SFMBT2: variants seen among roughly 807,000 people sequenced by gnomAD.
SFMBT2 encodes the protein Scm like with four mbt domains 2, also known as scm-like with four MBT domains protein 2.
A neutral mutation model predicts 110.1 loss-of-function variants in SFMBT2; 38 were observed. That is an observed-to-expected ratio of 0.35 (90% CI 0.27 to 0.45). The LOEUF is 0.45. Among genes scored for constraint, SFMBT2 ranks in the 20% least tolerant of loss-of-function variants. SFMBT2 has a pLI of 1.00. For missense variants in SFMBT2, 1,011 were observed against 1,094.9 expected (o/e 0.92, Z 1.08); for synonymous variants, 425 against 425.4 (o/e 1.00, Z 0.01).
In SFMBT2 at chr10:7,381,872, A is replaced by G. The variant is rs113626930; in HGVS notation, c.27T>C (p.Asn9=). The change falls in exon 2 of 21, where the codon AAT becomes AAC. Residue 9 remains asparagine (N), a synonymous_variant. Coordinates refer to ENST00000397167, the MANE Select transcript of SFMBT2 (RefSeq NM_001387889.1). MESTLSAS[N]MQDPSSSPLE... ...AGGGTGAAGATGAAGGGTCTTGCATATTGGAAGCTGACAAAGTGCTCTCCA... is the reference window on the plus strand; with the variant it reads ...AGGGTGAAGATGAAGGGTCTTGCATGTTGGAAGCTGACAAAGTGCTCTCCA... The G allele has an allele frequency of 2.5e-5, 41 of 1,610,452 alleles. No individual in the cohort carries two copies. The African/African-American group carries it at 3.5e-4, about 14-fold the overall frequency.
At chr10:7,398,993 C>T (rs550519888) in intron 1 of SFMBT2, among the ~76,000 whole-genome samples, 2 of 152,248 alleles carry the variant, frequency 1.3e-5, no homozygotes, top group South Asian at 2.1e-4. Flanking sequence ...TCACTTCAAG[C>T]CAAACAAACG....
chr10:7,216,833 C>G (rs2131639738), intron 11 of SFMBT2, among the ~76,000 whole-genome samples: 1 of 152,298 alleles, frequency 6.6e-6, no homozygotes, highest in South Asian at 2.1e-4. Flanking sequence ...TCTTCCTCCT[C>G]TGTGTCCCTA....
chr10:7,343,321 T>C (rs980088587), intron 4 of SFMBT2, among the ~76,000 whole-genome samples: 1 of 152,198 alleles, frequency 6.6e-6, no homozygotes, highest in Non-Finnish European at 1.5e-5. Flanking sequence ...ATTCCATGCC[T>C]TTGCTATTAT....
chr10:7,219,878 T>C (rs1338183591), intron 11 of SFMBT2: 1 of 176,724 alleles, frequency 5.7e-6, no homozygotes, highest in African/African-American at 2.4e-5. Context: ...GTGAATTTTC[T>C]TGCACCTGTA....
At chr10:7,280,255 T>C (rs2131833225) in intron 6 of SFMBT2, among the ~76,000 whole-genome samples, 1 of 152,344 alleles carries the variant, frequency 6.6e-6, no homozygotes, top group South Asian at 2.1e-4. Flanking sequence ...GCCTGTGGCA[T>C]TTTGTTATGG....
chr10:7,221,544 C>A lies in SFMBT2; in HGVS notation c.1204-1007G>T, dbSNP rs186875168. ...TCTCGCCACTGCACTCCAGCCTGGG[C>A]GACAGAGTGAGACTCTGTCTCAAAT... is the stretch of plus-strand genomic sequence containing the variant. On this transcript the variant is annotated intron_variant, in intron 10 of 20. Coordinates refer to ENST00000397167, the MANE Select transcript of SFMBT2 (RefSeq NM_001387889.1). Among the ~76,000 whole-genome samples the A allele has an allele frequency of 4.4e-4, 64 of 145,648 alleles. No homozygotes were observed. The South Asian group carries it at 0.013, about 30-fold the overall frequency.
rs2692756 is a variant in SFMBT2, at chr10:7,163,755, C to T, written c.*15G>A. On this transcript the variant is annotated 3_prime_UTR_variant, in exon 21 of 21. Transcript: ENST00000397167. The surrounding 1 kb of genome is among the most constrained non-coding windows in gnomAD (Gnocchi z 4.8). ...CCGCATCCCAGCAATAATGGGCCAC[C>T]TCCCGAGGGCAGACTCAGTTGGCGT... 3 of 1,610,646 alleles carry T rather than the reference C, an allele frequency of 1.9e-6. No homozygotes were observed. The highest frequency in any genetic ancestry group is 1.7e-5 in the Admixed American group (1 of 59,592).
At chr10:7,174,071 G>A (rs1350274790) in intron 17 of SFMBT2, among the ~76,000 whole-genome samples, 3 of 152,160 alleles carry the variant, frequency 2.0e-5, no homozygotes, top group South Asian at 2.1e-4. Context: ...TCGGGAAGCC[G>A]CACAGCAGCA....
At chr10:7,294,355 T>C (rs1031247661) in intron 4 of SFMBT2, among the ~76,000 whole-genome samples, 6 of 152,178 alleles carry the variant, frequency 3.9e-5, no homozygotes, top group African/African-American at 1.4e-4. Flanking sequence ...TATATGATGT[T>C]GTAGAATTTA....
chr10:7,261,321 G>A (rs80224348), intron 7 of SFMBT2, among the ~76,000 whole-genome samples: 9,706 of 152,294 alleles, frequency 0.064, 407 homozygotes, highest in Admixed American at 0.089. Flanking sequence ...AAAGGTTAAT[G>A]CATATTCCAA....
At position 7,291,790 on chromosome 10, in the gene SFMBT2, G is replaced by A. The variant is rs76931462; in HGVS notation, c.437-5836C>T. On this transcript the variant is annotated intron_variant, in intron 4 of 20. Coordinates refer to ENST00000397167, the MANE Select transcript of SFMBT2 (RefSeq NM_001387889.1). ...ATTCAGTCCATTTCTTCAGAGATGA[G>A]GCAGAGGGATAAATATATGGTTTCT... 1.8e-4 allele frequency among the ~76,000 whole-genome samples: 28 copies of A among 152,292 alleles called. No homozygotes were observed. The East Asian group carries it at 4.4e-3, about 24-fold the overall frequency.
chr10:7,211,188 C>T (rs913501341), intron 11 of SFMBT2, among the ~76,000 whole-genome samples: 7 of 151,984 alleles, frequency 4.6e-5, no homozygotes, highest in Non-Finnish European at 1.0e-4. Context: ...GTTTTTATTT[C>T]TGGGTGGGGG....
At chr10:7,338,092 T>C (rs1023719995) in intron 4 of SFMBT2, among the ~76,000 whole-genome samples, 1 of 152,168 alleles carries the variant, frequency 6.6e-6, no homozygotes, top group Non-Finnish European at 1.5e-5. Flanking sequence ...TCTCATTGTC[T>C]TCCACGGTAC....
intron 4 of SFMBT2, among the ~76,000 whole-genome samples, chr10:7,350,000 A>T (rs1002234772): frequency 1.2e-4 from 18 of 152,110 alleles, no homozygotes; most frequent in African/African-American, 4.1e-4. Flanking sequence ...ACATTAAAGA[A>T]GCCACTCAGA....
At chr10:7,212,048 G>C (rs1839369123) in intron 11 of SFMBT2, among the ~76,000 whole-genome samples, 2 of 152,204 alleles carry the variant, frequency 1.3e-5, no homozygotes, top group South Asian at 2.1e-4. Flanking sequence ...AGAAACATCA[G>C]GGGAGGGAGA....
chr10:7,193,434 C>T (rs967958621), intron 15 of SFMBT2, among the ~76,000 whole-genome samples: 9 of 152,236 alleles, frequency 5.9e-5, no homozygotes, highest in Admixed American at 5.9e-4. Context: ...GAGAGCCACC[C>T]TGGGATTTTC....
At chr10:7,229,454 T>G (rs1009561843) in intron 9 of SFMBT2, among the ~76,000 whole-genome samples, 1 of 151,478 alleles carries the variant, frequency 6.6e-6, no homozygotes, top group Non-Finnish European at 1.5e-5. Flanking sequence ...TGGTGGGTGC[T>G]TGTAATCCCA....
At chr10:7,332,584 A>G (rs1843594523) in intron 4 of SFMBT2, among the ~76,000 whole-genome samples, 2 of 152,236 alleles carry the variant, frequency 1.3e-5, no homozygotes, top group African/African-American at 4.8e-5. Context: ...TCCCCGACCC[A>G]GCTTATAAAA....
chr10:7,187,471 G>A (rs1838452443), intron 16 of SFMBT2, among the ~76,000 whole-genome samples: 1 of 152,178 alleles, frequency 6.6e-6, no homozygotes, highest in African/African-American at 2.4e-5. Flanking sequence ...TAGCAGCATC[G>A]TTAATTGGCC....
Sources: gnomAD v4.1 joint callset for allele counts (sites outside exome capture counted in the v4.1 genomes callset) on GRCh38, gnomAD v4.1.1 for gene constraint, Gnocchi (gnomAD v3.1) non-coding constraint, MANE v1.5 for transcripts, NCBI Gene and HGNC (gene_info 2026-07-23, HGNC 2026-07-21) for gene names.